The following ASCC3 variants were observed in gnomAD, a reference collection of about 807,000 sequenced individuals.
ASCC3 encodes the protein activating signal cointegrator 1 complex subunit 3, also known as ASC-1 complex subunit P200.
A neutral mutation model predicts 256.3 loss-of-function variants in ASCC3; 158 were observed. The ratio of observed to expected loss-of-function variants is 0.62; its 90% CI spans 0.54 to 0.70. ASCC3 has a LOEUF of 0.70. Among genes scored for constraint, ASCC3 ranks in the 30% least tolerant of loss-of-function variants. The probability of loss-of-function intolerance (pLI) is 0.00; values close to 1 mark genes in which losing one functional copy is unlikely to be tolerated. For missense variants in ASCC3, 2,259 were observed against 2,626.0 expected (o/e 0.86, Z 3.05); for synonymous variants, 948 against 883.4 (o/e 1.07, Z -1.30).
chr6:100,518,707 T>C (rs1319313992), intron 37 of ASCC3, among the ~76,000 whole-genome samples: 5 of 152,148 alleles, frequency 3.3e-5, no homozygotes, highest in Non-Finnish European at 5.9e-5. Flanking sequence ...CTATTCATAT[T>C]AGTCTATACA....
At chr6:100,680,374 G>T (rs9390580) in intron 13 of ASCC3, among the ~76,000 whole-genome samples, 1 of 151,960 alleles carries the variant, frequency 6.6e-6, no homozygotes, top group Non-Finnish European at 1.5e-5. Context: ...TTCAGGGACA[G>T]TCACCAGGCA....
intron 10 of ASCC3, among the ~76,000 whole-genome samples, chr6:100,727,881 A>T (rs1161749907): frequency 6.6e-6 from 1 of 152,054 alleles, no homozygotes; most frequent in Non-Finnish European, 1.5e-5. Flanking sequence ...AAGGAGAAAA[A>T]AATTTTCTAT....
intron 14 of ASCC3, among the ~76,000 whole-genome samples, chr6:100,668,636 A>G (rs1157700399): frequency 6.6e-6 from 1 of 151,954 alleles, no homozygotes; most frequent in African/African-American, 2.4e-5. Context: ...TACAATAACA[A>G]TATCTCTCTT....
intron 34 of ASCC3, among the ~76,000 whole-genome samples, chr6:100,591,206 G>A (rs1771983153): frequency 6.6e-6 from 1 of 151,868 alleles, no homozygotes; most frequent in Non-Finnish European, 1.5e-5. Flanking sequence ...AAGCATATAT[G>A]GAAGTGAAAA....
intron 30 of ASCC3, among the ~76,000 whole-genome samples, chr6:100,608,032 T>G (rs935344260): frequency 3.6e-4 from 32 of 89,952 alleles, no homozygotes; most frequent in Non-Finnish European, 5.0e-4. Context: ...ATATATATAT[T>G]TATATATACA....
At chr6:100,581,776 G>T (rs1771286694) in intron 36 of ASCC3, among the ~76,000 whole-genome samples, 1 of 151,548 alleles carries the variant, frequency 6.6e-6, no homozygotes, top group African/African-American at 2.4e-5. Flanking sequence ...TGTAAGGAAG[G>T]GATCCAGTTT....
chr6:100,630,522 G>A (rs911499222), intron 26 of ASCC3, among the ~76,000 whole-genome samples: 10 of 136,248 alleles, frequency 7.3e-5, no homozygotes, highest in East Asian at 4.2e-4. Flanking sequence ...CATTCTTTCC[G>A]TATAAAAAAA....
intron 4 of ASCC3, among the ~76,000 whole-genome samples, chr6:100,835,239 G>T (rs1415833040): frequency 3.3e-5 from 5 of 151,996 alleles, no homozygotes; most frequent in Non-Finnish European, 7.4e-5. Context: ...TTTTCATTCT[G>T]TTTATTGTTC....
intron 13 of ASCC3, among the ~76,000 whole-genome samples, chr6:100,693,519 T>C (rs1228826292): frequency 6.6e-6 from 1 of 152,172 alleles, no homozygotes; most frequent in African/African-American, 2.4e-5. Context: ...AGTTGTTCAA[T>C]GAATAAGACA....
At chr6:100,716,749 T>C (rs1779105571) in intron 12 of ASCC3, among the ~76,000 whole-genome samples, 1 of 151,950 alleles carries the variant, frequency 6.6e-6, no homozygotes, top group African/African-American at 2.4e-5. Flanking sequence ...TAACGTACTG[T>C]AGTGAAATAT....
chr6:100,627,837 C>T lies in ASCC3; in HGVS notation c.4521+5G>A, dbSNP rs1247823724. ...AAATGCATAATTTATCAATCTTCTACATACCTGCTTAATATTGAGCCAATC... is the reference window on the plus strand; with the variant it reads ...AAATGCATAATTTATCAATCTTCTATATACCTGCTTAATATTGAGCCAATC... On this transcript the variant is annotated splice_donor_5th_base_variant and intron_variant, in intron 28 of 41. Transcript: ENST00000369162. 5 of 1,613,450 alleles carry T rather than the reference C, an allele frequency of 3.1e-6. No individual in the cohort carries two copies. In the African/African-American group the frequency reaches 4.0e-5, roughly 13 times the overall value.
intron 25 of ASCC3, among the ~76,000 whole-genome samples, chr6:100,631,767 C>T (rs573159714): frequency 6.6e-6 from 1 of 151,954 alleles, no homozygotes; most frequent in South Asian, 2.1e-4. Flanking sequence ...AAAAGCTGGT[C>T]TATAGTAATC....
chr6:100,696,400 G>A (rs910368309), intron 13 of ASCC3, among the ~76,000 whole-genome samples: 1 of 151,630 alleles, frequency 6.6e-6, no homozygotes, highest in African/African-American at 2.4e-5. Flanking sequence ...TTTCATATTC[G>A]GCTTTAATAA....
At chr6:100,803,446 G>T (rs186047553) in intron 5 of ASCC3, among the ~76,000 whole-genome samples, 8 of 152,230 alleles carry the variant, frequency 5.3e-5, no homozygotes, top group African/African-American at 7.2e-5. Context: ...GTAGGTCCTT[G>T]CTTCCCCTTC....
intron 1 of ASCC3, among the ~76,000 whole-genome samples, chr6:100,870,425 T>TA (rs1773688839): frequency 6.6e-6 from 1 of 151,758 alleles, no homozygotes; most frequent in African/African-American, 2.4e-5. Context: ...TTCCTTTTTT[T>TA]AAAAATGACA....
chr6:100,770,257 C>T (rs778682079), intron 8 of ASCC3, among the ~76,000 whole-genome samples: 5 of 151,868 alleles, frequency 3.3e-5, no homozygotes, highest in Non-Finnish European at 5.9e-5. Context: ...CAAAATCGAA[C>T]ATCCATTTAT....
At chr6:100,518,242 A>G (rs1383036619) in intron 37 of ASCC3, 100 bp from the exon 38 acceptor site, 1 of 1,292,438 alleles carries the variant, frequency 7.7e-7, no homozygotes, top group Admixed American at 1.9e-5. Flanking sequence ...AAAGAAACCA[A>G]GCATTGTATC....
chr6:100,650,427 G>A, intron 20 of ASCC3, 111 bp downstream of exon 20: 2 of 1,062,524 alleles, frequency 1.9e-6, no homozygotes, highest in Admixed American at 1.8e-5. Flanking sequence ...GTAAAATGGT[G>A]GTTTGGTAGC....
chr6:100,584,940 G>A (rs1377847734), intron 36 of ASCC3, among the ~76,000 whole-genome samples: 19 of 152,272 alleles, frequency 1.2e-4, no homozygotes, highest in Admixed American at 3.3e-4. Flanking sequence ...AGTTTCTGCC[G>A]AGAGATCCGC....
Sources: allele counts gnomAD v4.1 joint callset (sites outside exome capture counted in the v4.1 genomes callset), GRCh38; gene constraint gnomAD v4.1.1; transcripts MANE v1.5; gene names NCBI Gene and HGNC (gene_info 2026-07-23, HGNC 2026-07-21).